Variants in TBPL2 observed in about 807,000 individuals in gnomAD.
The protein encoded by TBPL2 is TATA box-binding protein-like 2.
A neutral mutation model predicts 38.2 loss-of-function variants in TBPL2; 40 were observed. That is an observed-to-expected ratio of 1.05 (90% CI 0.81 to 1.36). The LOEUF is 1.36. Among genes scored for constraint, TBPL2 ranks in the 40% most tolerant of loss-of-function variants. The pLI is 0.00. For synonymous variants in TBPL2, 169 were observed against 171.7 expected, an observed-to-expected ratio of 0.98 and a Z score of 0.12; for missense variants, 461 against 456.7, an observed-to-expected ratio of 1.01 and a Z score of -0.09.
At chr14:55,437,687 ATTATT>A (rs1403174142) in intron 1 of TBPL2, among the ~76,000 whole-genome samples, 5 of 152,362 alleles carry the variant, frequency 3.3e-5, no homozygotes, top group Admixed American at 6.5e-5. Context: ...GATATACTGT[ATTATT>A]TAAGTTAATT....
chr14:55,414,310 C>A, exon 7 of TBPL2: 1 of 1,168,870 alleles, frequency 8.6e-7, no homozygotes, highest in Non-Finnish European at 1.2e-6. Context: ...GTAGAAGAAT[C>A]CAGCTGTTTC....
chr14:55,424,041 A>T, intron 6 of TBPL2, 118 bp downstream of exon 6: 1 of 659,986 alleles, frequency 1.5e-6, no homozygotes, highest in Non-Finnish European at 2.6e-6. Flanking sequence ...TTTTCATTCC[A>T]GGTATTCTGT....
intron 4 of TBPL2, among the ~76,000 whole-genome samples, chr14:55,431,856 A>G (rs1335474468): frequency 6.6e-6 from 1 of 152,180 alleles, no homozygotes; most frequent in Admixed American, 6.5e-5. Flanking sequence ...CAGTAGCCAC[A>G]TCTGACTAGT....
chr14:55,433,867 C>T (rs1296894149), intron 3 of TBPL2, 146 bp from the exon 4 acceptor site: 3 of 595,974 alleles, frequency 5.0e-6, no homozygotes, highest in Non-Finnish European at 8.5e-6. Context: ...TTAAGGTTAA[C>T]AAAAATAATG....
At chr14:55,434,344 G>A (rs1400464487) in intron 3 of TBPL2, among the ~76,000 whole-genome samples, 1 of 152,158 alleles carries the variant, frequency 6.6e-6, no homozygotes, top group African/African-American at 2.4e-5. Context: ...GCTGACACTC[G>A]TGAGGGTAGG....
chr14:55,419,722 C>CAA (rs1885715425), intron 6 of TBPL2, among the ~76,000 whole-genome samples: 1 of 152,168 alleles, frequency 6.6e-6, no homozygotes, highest in Admixed American at 6.5e-5. Flanking sequence ...AAATTATTTT[C>CAA]AAAGACCTGC....
At chr14:55,430,486 A>T (rs1484989173) in intron 4 of TBPL2, among the ~76,000 whole-genome samples, 1 of 150,740 alleles carries the variant, frequency 6.6e-6, no homozygotes, top group Non-Finnish European at 1.5e-5. Flanking sequence ...AGCTCACTGC[A>T]GCCTTGAACT....
At chr14:55,430,587 G>A (rs1189054345) in intron 4 of TBPL2, among the ~76,000 whole-genome samples, 3 of 151,874 alleles carry the variant, frequency 2.0e-5, no homozygotes, top group Non-Finnish European at 4.4e-5. Context: ...ATAGAGACAG[G>A]GTCTTGCTGT....
chr14:55,423,299 A>C (rs79240711), intron 6 of TBPL2, among the ~76,000 whole-genome samples: 3,150 of 152,360 alleles, frequency 0.021, 116 homozygotes, highest in African/African-American at 0.072. Context: ...ATTTAAGACC[A>C]TGTGATACAG....
intron 5 of TBPL2, 72 bp from the exon 6 acceptor site, chr14:55,424,325 G>A: frequency 1.1e-6 from 1 of 899,548 alleles, no homozygotes. Context: ...GTAAGGCCCA[G>A]TATATTAAAG....
intron 4 of TBPL2, among the ~76,000 whole-genome samples, 195 bp downstream of exon 4, chr14:55,433,435 G>A (rs1035250571): frequency 2.0e-5 from 3 of 151,108 alleles, no homozygotes; most frequent in Non-Finnish European, 2.9e-5. Context: ...TTACAGATGT[G>A]AGCCACCATG....
intron 3 of TBPL2, 70 bp from the exon 4 acceptor site, chr14:55,433,791 G>T: frequency 7.1e-7 from 1 of 1,403,194 alleles, no homozygotes; most frequent in Non-Finnish European, 9.9e-7. Context: ...AAAAAGCCGA[G>T]CTGAATATGA....
At chr14:55,424,241 T>C (rs1665062032) in exon 6 of TBPL2, 1 of 1,611,614 alleles carries the variant, frequency 6.2e-7, no homozygotes, top group Non-Finnish European at 8.5e-7. Flanking sequence ...CAGGAAACAG[T>C]TCAGGCTCGT....
rs553666593 is a variant in TBPL2 at position 55,429,086 on chromosome 14, A to G, written c.789-112T>C. The stretch of plus-strand genomic sequence containing the variant: ...CCACGTTTATCTTTCAATGTATACT[A>G]TGAAGCTGTAGGCTTTGTGAGGAGG... On this transcript the variant is annotated intron_variant, in intron 4 of 6. Transcript: ENST00000247219. 1.7e-4 allele frequency: 219 copies of G among 1,326,204 alleles called. 1 individual carries two copies. The African/African-American group carries it at 2.7e-3, about 16-fold the overall frequency. The allele number at this position is 1,326,204 out of a possible 1,614,324, so 82.2% of individuals were successfully genotyped here.
chr14:55,440,369 A>C (rs1594795980), intron 1 of TBPL2, 27 bp downstream of exon 1: 2 of 1,612,126 alleles, frequency 1.2e-6, no homozygotes, highest in Non-Finnish European at 1.7e-6. Flanking sequence ...TTGGGTCCTG[A>C]CTCTGGGACA....
At chr14:55,431,955 C>T (rs1312810581) in intron 4 of TBPL2, among the ~76,000 whole-genome samples, 2 of 152,046 alleles carry the variant, frequency 1.3e-5, no homozygotes, top group African/African-American at 4.8e-5. Flanking sequence ...CTATCCTTTT[C>T]CTATCACAAA....
At chr14:55,420,739 G>A (rs1361956865) in intron 6 of TBPL2, among the ~76,000 whole-genome samples, 1 of 145,038 alleles carries the variant, frequency 6.9e-6, no homozygotes, top group Non-Finnish European at 1.5e-5. Flanking sequence ...TTTGAAACTG[G>A]CAAATGTGTA....
chr14:55,436,936 T>A (rs1187696145), exon 2 of TBPL2: 2 of 1,614,090 alleles, frequency 1.2e-6, no homozygotes, highest in Non-Finnish European at 8.5e-7. Flanking sequence ...AAATGCAGTA[T>A]CCGGATTGGA....
chr14:55,416,983 C>T (rs546423352), intron 6 of TBPL2, among the ~76,000 whole-genome samples: 2 of 152,214 alleles, frequency 1.3e-5, no homozygotes, highest in South Asian at 2.1e-4. Context: ...GACTTCAGAC[C>T]GAAAATCATA....
Sources: gnomAD v4.1 joint callset for allele counts (sites outside exome capture counted in the v4.1 genomes callset) on GRCh38, gnomAD v4.1.1 for gene constraint, MANE v1.5 for transcripts, NCBI Gene and HGNC (gene_info 2026-07-23, HGNC 2026-07-21) for gene names.